PIK3C2G: variants seen among roughly 807,000 people sequenced by gnomAD.
The protein encoded by PIK3C2G is phosphatidylinositol 3-kinase C2 domain-containing subunit gamma.
PIK3C2G carries 168 observed loss-of-function variants against 181.1 expected under a neutral mutation model. The ratio of observed to expected loss-of-function variants is 0.93; its 90% confidence interval spans 0.82 to 1.05. The LOEUF (loss-of-function observed/expected upper bound fraction) is 1.05, where lower values mean the gene tolerates loss of function less well. Among genes scored for constraint, PIK3C2G ranks in the 50% least tolerant of loss-of-function variants. PIK3C2G has a pLI of 0.00. For missense variants in PIK3C2G, 1,869 were observed against 1,732.8 expected (o/e 1.08, Z -1.40); for synonymous variants, 573 against 592.2 (o/e 0.97, Z 0.47).
At chr12:18,606,672 G>A (rs1011629924) in intron 30 of PIK3C2G, among the ~76,000 whole-genome samples, 2 of 151,934 alleles carry the variant, frequency 1.3e-5, no homozygotes, top group Non-Finnish European at 2.9e-5. Flanking sequence ...TACTGATCAG[G>A]TGTAACTACA....
At position 18,391,204 on chromosome 12, in the gene PIK3C2G, A is replaced by T; in HGVS notation, c.2078A>T (p.Glu693Val). 1 of 1,609,062 alleles carries T rather than the reference A, an allele frequency of 6.2e-7. No homozygotes were observed. Among genetic ancestry groups the T allele is most frequent in the South Asian group, 1.1e-5 (1 of 90,400 alleles). Residue 693 changes from glutamate to valine, a missense_variant, in exon 15 of 33, where the codon GAG (glutamate) becomes GTG (valine). By Grantham distance (121) the Glu-to-Val change is moderately radical (BLOSUM62 -2). Coordinates refer to ENST00000538779, the MANE Select transcript of PIK3C2G (RefSeq NM_001288772.2). ...AGTAATCTTGAAGAGCCACTAAAGG[A>T]GTGTATAAAACATATTGCCAGACTT... ...NRSNLEEPLK[E>V]CIKHIARLSQ...
chr12:18,429,948 A>T (rs1279384272), intron 18 of PIK3C2G, among the ~76,000 whole-genome samples: 1 of 152,156 alleles, frequency 6.6e-6, no homozygotes, highest in East Asian at 1.9e-4. Flanking sequence ...AATCTCTAAG[A>T]TATAATTTAC....
chr12:18,431,520 A>G (rs1320744986), intron 18 of PIK3C2G, among the ~76,000 whole-genome samples: 2 of 152,208 alleles, frequency 1.3e-5, no homozygotes, highest in East Asian at 3.9e-4. Flanking sequence ...CCATTCTGTC[A>G]GTTTTAAATA....
At chr12:18,294,620 AT>A (rs1174770721) in intron 5 of PIK3C2G, among the ~76,000 whole-genome samples, 3 of 152,046 alleles carry the variant, frequency 2.0e-5, no homozygotes, top group East Asian at 1.9e-4. Context: ...ATAAAAAAAA[AT>A]CATCTTTTAG....
chr12:18,716,060 T>C, the PIK3C2G span, among the ~76,000 whole-genome samples: 4 of 152,216 alleles, frequency 2.6e-5, no homozygotes, highest in Non-Finnish European at 5.9e-5. Context: ...GATTTATTTA[T>C]GTATTTAGAT....
In PIK3C2G at chr12:18,640,481, C is replaced by T. The variant is rs1949790402; in HGVS notation, c.4235C>T (p.Pro1412Leu). ...GCACATGTTGAATTTTATCTTTTACCATATCCCAGTGAAGTTCGTAGGAGG... is the reference window on the plus strand; with the variant it reads ...GCACATGTTGAATTTTATCTTTTACTATATCCCAGTGAAGTTCGTAGGAGG... ...PSAHVEFYLLPYPSEVRRRKT... is the reference protein window; with the variant it reads ...PSAHVEFYLLLYPSEVRRRKT... The change falls in exon 32 of 33, where the codon CCA becomes CTA. Residue 1412 changes from proline to leucine, a missense_variant. Transcript: ENST00000538779. 2 of 1,608,798 alleles carry T rather than the reference C, an allele frequency of 1.2e-6. No homozygotes were observed. Among genetic ancestry groups the T allele is most frequent in the Non-Finnish European group, 1.7e-6 (2 of 1,176,864 alleles).
chr12:18,337,740 C>T (rs762711935), intron 8 of PIK3C2G, among the ~76,000 whole-genome samples: 2 of 152,158 alleles, frequency 1.3e-5, no homozygotes, highest in African/African-American at 2.4e-5. Context: ...GACCCAATGC[C>T]TCCCACCAGG....
At chr12:18,410,703 TA>T (rs1210368569) in intron 16 of PIK3C2G, among the ~76,000 whole-genome samples, 1 of 152,036 alleles carries the variant, frequency 6.6e-6, no homozygotes, top group Non-Finnish European at 1.5e-5. Flanking sequence ...AGAGGGAACA[TA>T]AGGCAATAAA....
intron 29 of PIK3C2G, among the ~76,000 whole-genome samples, chr12:18,572,156 T>C (rs1479775205): frequency 1.4e-5 from 2 of 141,062 alleles, no homozygotes; most frequent in Non-Finnish European, 3.0e-5. Flanking sequence ...TATTTACAAA[T>C]AATGTACATC....
chr12:18,432,924 C>T (rs910094834), intron 18 of PIK3C2G, among the ~76,000 whole-genome samples: 1 of 151,756 alleles, frequency 6.6e-6, no homozygotes, highest in African/African-American at 2.4e-5. Flanking sequence ...TTGAAGAATT[C>T]AGGAAATGTT....
upstream of PIK3C2G, among the ~76,000 whole-genome samples, chr12:18,259,117 G>C (rs2136985101): frequency 6.6e-6 from 1 of 152,162 alleles, no homozygotes; most frequent in South Asian, 2.1e-4. Context: ...TTAGGCAACA[G>C]GGTGGGAAGT....
At chr12:18,526,850 C>T (rs1943263503) in intron 24 of PIK3C2G, among the ~76,000 whole-genome samples, 1 of 152,104 alleles carries the variant, frequency 6.6e-6, no homozygotes, top group South Asian at 2.1e-4. Context: ...TATTACTTCT[C>T]CCTTTTTGAC....
the PIK3C2G span, among the ~76,000 whole-genome samples, chr12:18,707,533 C>T: frequency 1.3e-5 from 2 of 152,022 alleles, no homozygotes; most frequent in Non-Finnish European, 2.9e-5. Flanking sequence ...CAATGTTTGC[C>T]CCCCATTTCC....
At position 18,496,113 on chromosome 12, in the gene PIK3C2G, A is replaced by G. The variant is rs762692449; in HGVS notation, c.2845A>G (p.Asn949Asp). 1 of 1,545,382 alleles carries G rather than the reference A, an allele frequency of 6.5e-7. No homozygotes were observed. Among genetic ancestry groups the G allele is most frequent in the Middle Eastern group, 1.7e-4 (1 of 5,952 alleles). Residue 949 changes from asparagine (N) to aspartate (D), a missense_variant, in exon 21 of 33, where the codon AAT becomes GAT. Asn to Asp is a conservative substitution (Grantham distance 23). Transcript: ENST00000538779. ...NALPLKITFINANPMGKNISI... is the reference protein window; with the variant it reads ...NALPLKITFIDANPMGKNISI... ...TTTGCCATTGAAGATTACTTTCATC[A>G]ATGCTAATCCGATGGGCAAAAACAT...
chr12:18,539,903 G>T (rs189211957), intron 25 of PIK3C2G, among the ~76,000 whole-genome samples: 3 of 151,894 alleles, frequency 2.0e-5, no homozygotes, highest in East Asian at 3.9e-4. Flanking sequence ...TAATAGCCAA[G>T]GATTCTTATT....
upstream of PIK3C2G, among the ~76,000 whole-genome samples, chr12:18,246,343 G>A (rs1282501614): frequency 1.3e-5 from 2 of 152,106 alleles, no homozygotes; most frequent in Non-Finnish European, 2.9e-5. Flanking sequence ...CCCATCACAA[G>A]TGAATCCATT....
At chr12:18,519,388 T>C (rs1942765471) in intron 24 of PIK3C2G, among the ~76,000 whole-genome samples, 1 of 152,234 alleles carries the variant, frequency 6.6e-6, no homozygotes, top group Non-Finnish European at 1.5e-5. Context: ...ACTTGTTTTA[T>C]GAATCTGGGT....
At chr12:18,545,887 G>T (rs572921191) in intron 25 of PIK3C2G, among the ~76,000 whole-genome samples, 10 of 151,890 alleles carry the variant, frequency 6.6e-5, no homozygotes, top group Middle Eastern at 3.4e-3. Flanking sequence ...TATAATTTTT[G>T]TGTAATATTT....
chr12:18,311,117 CAT>C lies in PIK3C2G; in HGVS notation c.1035-2843_1035-2842del, dbSNP rs1056991911. Among the ~76,000 whole-genome samples the C allele has an allele frequency of 2.4e-3, 362 of 151,688 alleles. 1 individual carries two copies. Among genetic ancestry groups the C allele is most frequent in the African/African-American group, 8.4e-3 (346 of 41,400 alleles). On this transcript the variant is annotated intron_variant, in intron 5 of 32. Coordinates refer to ENST00000538779, the MANE Select transcript of PIK3C2G (RefSeq NM_001288772.2). ...TCCTATAATGTAATTTGAAAAAAAT[CAT>C]AGAGGAAAAAGACTGTTTCAACATC...
Sources: gnomAD v4.1 joint callset for allele counts (sites outside exome capture counted in the v4.1 genomes callset) on GRCh38, gnomAD v4.1.1 for gene constraint, MANE v1.5 for transcripts, NCBI Gene and HGNC (gene_info 2026-07-23, HGNC 2026-07-21) for gene names.